LVRN: variants seen among roughly 807,000 people sequenced by gnomAD.
LVRN encodes aminopeptidase Q.
In LVRN, 99 loss-of-function variants were observed where a neutral mutation model predicts 111.4. The observed-to-expected ratio is 0.89, with a 90% confidence interval of 0.76 to 1.05. The LOEUF (loss-of-function observed/expected upper bound fraction) is 1.05, where lower values mean the gene tolerates loss of function less well. LVRN is among the 50% of genes least tolerant of loss of function. LVRN has a pLI of 0.00. For synonymous variants in LVRN, 488 were observed against 449.5 expected (o/e 1.09, Z -1.08); for missense variants, 1,414 against 1,206.8 (o/e 1.17, Z -2.54).
intron 1 of LVRN, among the ~76,000 whole-genome samples, chr5:115,963,978 C>G (rs1753147216): frequency 6.6e-6 from 1 of 152,106 alleles, no homozygotes; most frequent in Non-Finnish European, 1.5e-5. Context: ...GGTCCTTGGG[C>G]CAGCAGCAGC....
chr5:115,992,382 A>G, intron 5 of LVRN, 105 bp downstream of exon 5: 6 of 1,299,668 alleles, frequency 4.6e-6, no homozygotes, highest in Non-Finnish European at 5.4e-6. Flanking sequence ...ACCATATTTT[A>G]AAAAGAAAAA....
At chr5:115,964,936 C>T (rs1753170513) in intron 1 of LVRN, among the ~76,000 whole-genome samples, 1 of 152,168 alleles carries the variant, frequency 6.6e-6, no homozygotes, top group Non-Finnish European at 1.5e-5. Flanking sequence ...AAGCTTGAAG[C>T]CAGGGTCATG....
chr5:115,970,405 A>G (rs1753297653), intron 1 of LVRN, among the ~76,000 whole-genome samples: 1 of 132,044 alleles, frequency 7.6e-6, no homozygotes, highest in Non-Finnish European at 1.6e-5. Context: ...TTTTTTTGAG[A>G]CGGAGTCTTG....
At chr5:116,004,749 T>G (rs1748323365) in intron 12 of LVRN, among the ~76,000 whole-genome samples, 1 of 152,204 alleles carries the variant, frequency 6.6e-6, no homozygotes, top group Non-Finnish European at 1.5e-5. Context: ...TACCTCAATT[T>G]CTTATTTGTG....
intron 14 of LVRN, 81 bp downstream of exon 14, chr5:116,010,975 G>T (rs13185359): frequency 2.0e-6 from 2 of 1,007,140 alleles, no homozygotes; most frequent in East Asian, 3.1e-5. Context: ...CTGTGAGACA[G>T]GTCTTTTCCA....
intron 1 of LVRN, among the ~76,000 whole-genome samples, chr5:115,968,810 G>A (rs1245623154): frequency 6.6e-6 from 1 of 152,210 alleles, no homozygotes; most frequent in East Asian, 1.9e-4. Context: ...AAAATCAGCT[G>A]GAGAATGGGC....
intron 1 of LVRN, among the ~76,000 whole-genome samples, chr5:115,978,094 C>A (rs1377234587): frequency 6.6e-6 from 1 of 152,160 alleles, no homozygotes; most frequent in Non-Finnish European, 1.5e-5. Flanking sequence ...AACAGACTTT[C>A]TTGCAGTTGC....
Position 115,993,807 on chromosome 5 carries a change from T to C in LVRN, c.1327T>C (p.Tyr443His). 2 of 1,610,476 alleles carry C rather than the reference T, an allele frequency of 1.2e-6. No individual in the cohort carries two copies. Among genetic ancestry groups the C allele is most frequent in the Non-Finnish European group, 1.7e-6 (2 of 1,178,808 alleles). The stretch of plus-strand genomic sequence containing the variant: ...CTGGCTCAACGAGGGTTTTGCATCT[T>C]ATTTTGAGTTTGAAGTAATTAACTA... ...NIWLNEGFASYFEFEVINYFN... is the reference protein window; with the variant it reads ...NIWLNEGFASHFEFEVINYFN... The change falls in exon 6 of 20, where the codon TAT (tyrosine) becomes CAT (histidine). Residue 443 changes from tyrosine to histidine, a missense_variant. By Grantham distance (83) the Tyr-to-His change is moderately conservative (BLOSUM62 2). Transcript: ENST00000357872.
intron 13 of LVRN, among the ~76,000 whole-genome samples, chr5:116,009,601 A>G (rs2112621745): frequency 6.6e-6 from 1 of 152,260 alleles, no homozygotes; most frequent in East Asian, 1.9e-4. Flanking sequence ...TATAAACAGG[A>G]GTTTTGAAGA....
rs770635512 is a variant in LVRN, at chr5:115,992,164, A to C, written c.1147A>C (p.Asn383His). 4 of 1,613,836 alleles carry C rather than the reference A, an allele frequency of 2.5e-6. No individual in the cohort carries two copies. Among genetic ancestry groups the C allele is most frequent in the East Asian group, 4.5e-5 (2 of 44,864 alleles). Residue 383 changes from asparagine to histidine, a missense_variant, in exon 5 of 20, where the codon AAC (asparagine) becomes CAC (histidine). Physicochemically the swap from Asn to His is moderately conservative, Grantham distance 68 (BLOSUM62 1). Coordinates refer to ENST00000357872, the MANE Select transcript of LVRN (RefSeq NM_173800.5). ...LPSFDNHAME[N>H]WGLMIFDESG... ...TAGTTTTGACAACCATGCAATGGAA[A>C]ACTGGGGACTAATGATATTTGATGA...
In LVRN at chr5:115,999,781, A is replaced by G. The variant is rs1748196946; in HGVS notation, c.1394A>G (p.Asn465Ser). Residue 465 changes from asparagine (N) to serine (S), a missense_variant, in exon 7 of 20, where the codon AAC becomes AGC. By Grantham distance (46) the Asn-to-Ser change is conservative. Coordinates refer to ENST00000357872, the MANE Select transcript of LVRN (RefSeq NM_173800.5). ...KLPRNEIFFS[N>S]ILHNILREDH... is the part of the protein sequence containing the mutation. Reference sequence around the variant, plus strand: ...TTATAGAATGAGATCTTTTTTTCTAACATTTTACATAATATCCTCAGAGAA... The same window carrying G: ...TTATAGAATGAGATCTTTTTTTCTAGCATTTTACATAATATCCTCAGAGAA... 1 of 1,612,630 alleles carries G rather than the reference A, an allele frequency of 6.2e-7. No individual in the cohort carries two copies. Among genetic ancestry groups the G allele is most frequent in the Non-Finnish European group, 8.5e-7 (1 of 1,179,424 alleles).
rs867474336 is a variant in LVRN at position 116,014,457 on chromosome 5, T to C, written c.2380T>C (p.Leu794=). Residue 794 remains leucine (L), a synonymous_variant, in exon 16 of 20, where the codon TTG becomes CTG. Transcript: ENST00000357872. ...AAAACTTTTTGTAACTGCGTGTTGG[T>C]TGGGCCTTGAAGACTGCCTTCAGCT... ...LEKLFVTACW[L]GLEDCLQLSK... 18 of 1,613,306 alleles carry C rather than the reference T, an allele frequency of 1.1e-5. No homozygotes were observed. Among genetic ancestry groups the C allele is most frequent in the Non-Finnish European group, 1.4e-5 (17 of 1,179,584 alleles).
At chr5:116,024,820 C>G (rs1023082538) in intron 19 of LVRN, among the ~76,000 whole-genome samples, 3 of 152,146 alleles carry the variant, frequency 2.0e-5, no homozygotes, top group African/African-American at 4.8e-5. Context: ...AGATGACTAT[C>G]CTTGTCAACA....
At position 115,992,221 on chromosome 5, in the gene LVRN, C is replaced by T; in HGVS notation, c.1204C>T (p.Leu402=). Residue 402 remains leucine (L), a synonymous_variant, in exon 5 of 20, where the codon CTG becomes TTG. Transcript: ENST00000357872. ...ATTGTTGTTGGAACCAAAAGATCAA[C>T]TGACAGAAAAAAAGACTCTGATCTC... ...SGLLLEPKDQ[L]TEKKTLISYV... The T allele has an allele frequency of 6.2e-7, 1 of 1,613,862 alleles. No homozygotes were observed. Among genetic ancestry groups the T allele is most frequent in the Non-Finnish European group, 8.5e-7 (1 of 1,179,854 alleles).
chr5:115,987,181 A>G (rs773040758), intron 3 of LVRN, among the ~76,000 whole-genome samples: 4 of 152,174 alleles, frequency 2.6e-5, no homozygotes, highest in African/African-American at 9.7e-5. Flanking sequence ...CATGGCAGAG[A>G]TTTCCTTTTA....
chr5:116,005,795 T>A, intron 12 of LVRN, 117 bp from the exon 13 acceptor site: 2 of 786,870 alleles, frequency 2.5e-6, no homozygotes, highest in Non-Finnish European at 4.5e-6. Flanking sequence ...GCAGATGAGA[T>A]AAGTCACGTG....
chr5:116,015,379 T>C lies in LVRN; in HGVS notation c.2578T>C (p.Tyr860His). 1 of 1,506,116 alleles carries C rather than the reference T, an allele frequency of 6.6e-7. No homozygotes were observed. The highest frequency in any genetic ancestry group is 8.9e-7 in the Non-Finnish European group (1 of 1,117,440). The allele number at this position is 1,506,116 out of a possible 1,614,324, so 93.3% of individuals were successfully genotyped here. ...CAAAGAAGAAAAGATTCAACTTGCTTATGCAATGAGCTGCAGCAAAGACCC... is the reference window on the plus strand; with the variant it reads ...CAAAGAAGAAAAGATTCAACTTGCTCATGCAATGAGCTGCAGCAAAGACCC... The part of the protein sequence containing the change: ...TNKEEKIQLA[Y>H]AMSCSKDPWI... Residue 860 changes from tyrosine to histidine, a missense_variant, in exon 17 of 20, where the codon TAT (tyrosine) becomes CAT (histidine). Tyr to His is a moderately conservative substitution (Grantham distance 83). Transcript: ENST00000357872.
At chr5:116,004,485 AC>A (rs1458166311) in intron 12 of LVRN, among the ~76,000 whole-genome samples, 1 of 152,232 alleles carries the variant, frequency 6.6e-6, no homozygotes, top group Non-Finnish European at 1.5e-5. Flanking sequence ...TCTCTGAGGC[AC>A]ACAGCAATCT....
At chr5:115,969,331 T>G (rs10463451) in intron 1 of LVRN, among the ~76,000 whole-genome samples, 56,990 of 151,912 alleles carry the variant, frequency 0.38, 11,232 homozygotes, top group East Asian at 0.52. Flanking sequence ...CCTATTAGGC[T>G]GCCTGACATT....
Sources: allele counts gnomAD v4.1 joint callset (sites outside exome capture counted in the v4.1 genomes callset), GRCh38; gene constraint gnomAD v4.1.1; transcripts MANE v1.5; gene names NCBI Gene and HGNC (gene_info 2026-07-23, HGNC 2026-07-21).